Variants in TENM2 observed in about 807,000 individuals in gnomAD.
The protein encoded by TENM2 is teneurin transmembrane protein 2.
TENM2 carries 52 observed loss-of-function variants against 245.2 expected under a neutral mutation model. That is an observed-to-expected ratio of 0.21 (90% CI 0.17 to 0.27). TENM2 has a LOEUF of 0.27. TENM2 is among the 10% of genes least tolerant of loss of function. The pLI is 1.00. For missense variants in TENM2, 3,046 were observed against 3,666.8 expected, an observed-to-expected ratio of 0.83 and a Z score of 4.37; for synonymous variants, 1,363 against 1,438.9, an observed-to-expected ratio of 0.95 and a Z score of 1.19.
chr5:167,778,138 T>C (rs1367640060), intron 2 of TENM2, among the ~76,000 whole-genome samples: 1 of 152,106 alleles, frequency 6.6e-6, no homozygotes, highest in Non-Finnish European at 1.5e-5. Flanking sequence ...ATCAAGGTAG[T>C]CTCCTTGTAG....
intron 2 of TENM2, among the ~76,000 whole-genome samples, chr5:167,404,266 C>T (rs778715463): frequency 1.3e-5 from 2 of 151,768 alleles, no homozygotes; most frequent in South Asian, 2.1e-4. Flanking sequence ...ATGAAAGGCC[C>T]GTGCAATTGG....
At chr5:167,853,942 G>C (rs866631986) in intron 2 of TENM2, among the ~76,000 whole-genome samples, 8 of 152,220 alleles carry the variant, frequency 5.3e-5, no homozygotes, top group Non-Finnish European at 1.2e-4. Flanking sequence ...AAACAACTGG[G>C]AACATTGTAC....
intron 2 of TENM2, among the ~76,000 whole-genome samples, chr5:167,607,322 G>A (rs1474105890): frequency 1.3e-5 from 2 of 152,144 alleles, no homozygotes; most frequent in East Asian, 1.9e-4. Context: ...AGCGCTGCTC[G>A]ATCATTGAGT....
At chr5:167,016,732 T>C in the TENM2 span, among the ~76,000 whole-genome samples, 2 of 152,312 alleles carry the variant, frequency 1.3e-5, no homozygotes, top group African/African-American at 4.8e-5. Context: ...TTTTTTGTCA[T>C]TCTATTAAAT....
At chr5:167,647,256 A>C in intron 2 of TENM2, among the ~76,000 whole-genome samples, 1 of 152,178 alleles carries the variant, frequency 6.6e-6, no homozygotes, top group Non-Finnish European at 1.5e-5. Flanking sequence ...CGGTGGGGTT[A>C]AAGATCCAAG....
At chr5:167,442,696 T>G (rs1764939692) in intron 2 of TENM2, among the ~76,000 whole-genome samples, 1 of 152,202 alleles carries the variant, frequency 6.6e-6, no homozygotes, top group Non-Finnish European at 1.5e-5. Flanking sequence ...TAAAAAGAGC[T>G]TAAAATTTAT....
At chr5:167,257,903 T>C in the TENM2 span, among the ~76,000 whole-genome samples, 1 of 151,960 alleles carries the variant, frequency 6.6e-6, no homozygotes, top group Admixed American at 6.6e-5. Flanking sequence ...AATTTGGATA[T>C]GAGAATGAGT....
chr5:167,152,822 A>G, the TENM2 span, among the ~76,000 whole-genome samples: 1 of 152,198 alleles, frequency 6.6e-6, no homozygotes, highest in Non-Finnish European at 1.5e-5. Flanking sequence ...CTATCAGAAT[A>G]CTCAGAATAG....
intron 2 of TENM2, among the ~76,000 whole-genome samples, chr5:167,584,469 T>C (rs1395798876): frequency 2.0e-5 from 3 of 152,080 alleles, no homozygotes; most frequent in Non-Finnish European, 2.9e-5. Flanking sequence ...GTCTGATTGG[T>C]TGGGGGAGGT....
chr5:167,652,414 C>G (rs139883167), intron 2 of TENM2, among the ~76,000 whole-genome samples: 1,856 of 152,228 alleles, frequency 0.012, 15 homozygotes, highest in Non-Finnish European at 0.019. Flanking sequence ...TCTTCTATAA[C>G]TTCAGTCTCC....
chr5:167,528,911 C>A (rs958584925), intron 2 of TENM2, among the ~76,000 whole-genome samples: 4 of 152,086 alleles, frequency 2.6e-5, no homozygotes, highest in Non-Finnish European at 2.9e-5. Context: ...TTTTGAAATT[C>A]TATACTATAT....
chr5:168,085,115 G>C (rs1205006640), intron 7 of TENM2, among the ~76,000 whole-genome samples: 1 of 152,212 alleles, frequency 6.6e-6, no homozygotes, highest in Admixed American at 6.5e-5. Context: ...AGAAACCACT[G>C]TTCTCTTCTG....
At chr5:168,085,915 C>T (rs951158324) in intron 7 of TENM2, among the ~76,000 whole-genome samples, 9 of 152,236 alleles carry the variant, frequency 5.9e-5, no homozygotes, top group Admixed American at 2.6e-4. Context: ...CGTCAGGAGG[C>T]CAGCAATGCT....
chr5:168,234,027 A>C (rs1765189826), intron 25 of TENM2, among the ~76,000 whole-genome samples: 1 of 152,036 alleles, frequency 6.6e-6, no homozygotes, highest in Non-Finnish European at 1.5e-5. Context: ...ACACAGCCAA[A>C]CCATATCAGA....
At chr5:168,133,191 T>A (rs907651177) in intron 12 of TENM2, among the ~76,000 whole-genome samples, 2 of 152,206 alleles carry the variant, frequency 1.3e-5, no homozygotes, top group Non-Finnish European at 2.9e-5. Flanking sequence ...TGAATAGTCA[T>A]GTAGGGCTTT....
intron 3 of TENM2, among the ~76,000 whole-genome samples, chr5:167,902,477 G>T (rs1202635569): frequency 6.6e-6 from 1 of 152,092 alleles, no homozygotes; most frequent in Admixed American, 6.5e-5. Flanking sequence ...TCGGCCCCTA[G>T]CTTCTGCCTC....
chr5:168,132,707 C>T (rs1301167066), intron 12 of TENM2, among the ~76,000 whole-genome samples: 1 of 152,198 alleles, frequency 6.6e-6, no homozygotes, highest in African/African-American at 2.4e-5. Flanking sequence ...AGATTCCAGG[C>T]TCAAAGAAAG....
chr5:167,340,761 G>A (rs1425816165), intron 1 of TENM2, among the ~76,000 whole-genome samples: 1 of 152,150 alleles, frequency 6.6e-6, no homozygotes, highest in Admixed American at 6.5e-5. Flanking sequence ...CGTAAAAGAT[G>A]GATTGGTGCT....
intron 7 of TENM2, among the ~76,000 whole-genome samples, 194 bp from the exon 10 acceptor site, chr5:168,090,380 A>G (rs1460688486): frequency 6.6e-6 from 1 of 152,238 alleles, no homozygotes; most frequent in African/African-American, 2.4e-5. Flanking sequence ...AGCAATAATT[A>G]TAAAGCATAA....
Sources: allele counts gnomAD v4.1 joint callset (sites outside exome capture counted in the v4.1 genomes callset), GRCh38; gene constraint gnomAD v4.1.1; transcripts MANE v1.5; gene names NCBI Gene and HGNC (gene_info 2026-07-23, HGNC 2026-07-21).